Variants in CLDN10 observed in about 807,000 individuals in gnomAD.
The protein encoded by CLDN10 is claudin-10.
A neutral mutation model predicts 22.9 loss-of-function variants in CLDN10; 15 were observed. The observed-to-expected ratio is 0.65, with a 90% CI of 0.44 to 1.01. The LOEUF (loss-of-function observed/expected upper bound fraction) is 1.01, where lower values mean the gene tolerates loss of function less well. Ranked by LOEUF, CLDN10 falls within the 50% of genes least tolerant of loss-of-function variation. The probability of loss-of-function intolerance (pLI) is 0.00; values close to 1 mark genes in which losing one functional copy is unlikely to be tolerated. For synonymous variants in CLDN10, 114 were observed against 111.4 expected, an observed-to-expected ratio of 1.02 and a Z score of -0.15; for missense variants, 247 against 287.8, an observed-to-expected ratio of 0.86 and a Z score of 1.03.
At chr13:95,503,418 A>T (rs2043006214) in intron 1 of CLDN10, among the ~76,000 whole-genome samples, 1 of 152,234 alleles carries the variant, frequency 6.6e-6, no homozygotes, top group East Asian at 1.9e-4. Context: ...ATGTTATATC[A>T]AGAGCTGTCC....
chr13:95,459,094 C>T (rs2042510118), intron 1 of CLDN10, among the ~76,000 whole-genome samples: 1 of 152,188 alleles, frequency 6.6e-6, no homozygotes, highest in Admixed American at 6.5e-5. Flanking sequence ...ACATCCAGGT[C>T]ACACTGATGC....
chr13:95,470,622 T>C (rs1238917701), intron 1 of CLDN10, among the ~76,000 whole-genome samples: 1 of 152,044 alleles, frequency 6.6e-6, no homozygotes, highest in South Asian at 2.1e-4. Flanking sequence ...AGGGAAAGTC[T>C]CCATGGAACT....
rs767055475 is a variant in CLDN10 at position 95,578,573 on chromosome 13, GAACTT to G, written c.*565_*569del. The G allele has an allele frequency of 4.6e-5, 7 of 152,178 alleles. No individual in the cohort carries two copies. Among genetic ancestry groups the G allele is most frequent in the African/African-American group, 1.4e-4 (6 of 41,420 alleles). The allele number at this position is 152,178 out of a possible 1,614,324, so 9.4% of individuals were successfully genotyped here. A position where few individuals can be genotyped will look rare whatever the true frequency, so the allele number is the denominator to read the frequency against. On this transcript the variant is annotated 3_prime_UTR_variant, in exon 5 of 5. Coordinates refer to ENST00000299339, the MANE Select transcript of CLDN10 (RefSeq NM_006984.5). ...TGTTGAAGCAGCAAGTTATCTGGTA[GAACTT>G]AACTTCTACAGGATCAGAGAGGATC...
chr13:95,569,740 G>A (rs2043830926), intron 3 of CLDN10, among the ~76,000 whole-genome samples: 1 of 152,134 alleles, frequency 6.6e-6, no homozygotes, highest in Admixed American at 6.6e-5. Context: ...ATGTGCTCAG[G>A]TAGGTTACTT....
chr13:95,502,945 A>G (rs1167370907), intron 1 of CLDN10, among the ~76,000 whole-genome samples: 1 of 152,190 alleles, frequency 6.6e-6, no homozygotes, highest in Non-Finnish European at 1.5e-5. Flanking sequence ...ACACATTTGT[A>G]TGGATGAATG....
At chr13:95,546,228 G>C (rs902027586) in intron 1 of CLDN10, among the ~76,000 whole-genome samples, 1 of 152,098 alleles carries the variant, frequency 6.6e-6, no homozygotes, top group African/African-American at 2.4e-5. Context: ...GATATTGACT[G>C]TACTCTGTAC....
In CLDN10 at chr13:95,559,656, T is replaced by G. The variant is rs551632494; in HGVS notation, c.221-476T>G. Among the ~76,000 whole-genome samples the G allele has an allele frequency of 1.2e-4, 19 of 152,326 alleles. No homozygotes were observed. The South Asian group carries it at 3.7e-3, about 30-fold the overall frequency. Reference sequence around the variant, plus strand: ...CCACCCAGTTATAAATCTTATCATTTGATAATGTCAAAACCATTAAAACAC... The same window carrying G: ...CCACCCAGTTATAAATCTTATCATTGGATAATGTCAAAACCATTAAAACAC... On this transcript the variant is annotated intron_variant, in intron 1 of 4. Coordinates refer to ENST00000299339, the MANE Select transcript of CLDN10 (RefSeq NM_006984.5).
intron 1 of CLDN10, among the ~76,000 whole-genome samples, chr13:95,556,824 T>C (rs1360908600): frequency 6.6e-6 from 1 of 152,252 alleles, no homozygotes; most frequent in East Asian, 1.9e-4. Context: ...TATTAGCGAA[T>C]TGTCTCCACC....
intron 3 of CLDN10, among the ~76,000 whole-genome samples, chr13:95,569,399 CAAGGTG>C (rs2043825730): frequency 6.6e-6 from 1 of 152,066 alleles, no homozygotes; most frequent in Admixed American, 6.5e-5. Flanking sequence ...GACTGGCCAA[CAAGGTG>C]AAACCCTGAC....
At chr13:95,443,803 C>G (rs960951621) in intron 1 of CLDN10, among the ~76,000 whole-genome samples, 6 of 152,094 alleles carry the variant, frequency 3.9e-5, no homozygotes, top group Non-Finnish European at 8.8e-5. Flanking sequence ...GAAAGATGTG[C>G]TTGTGGGGGG....
At chr13:95,577,381 C>A in intron 4 of CLDN10, 43 bp downstream of exon 4, 1 of 1,211,398 alleles carries the variant, frequency 8.3e-7, no homozygotes, top group Non-Finnish European at 1.2e-6. Context: ...AAGTAGAATG[C>A]TATCATAAAT....
intron 1 of CLDN10, among the ~76,000 whole-genome samples, chr13:95,525,877 A>G (rs539670937): frequency 6.6e-6 from 1 of 152,094 alleles, no homozygotes; most frequent in African/African-American, 2.4e-5. Context: ...AACAACTTGC[A>G]TCTAGCTTTG....
At chr13:95,477,229 G>T (rs2139109855) in intron 1 of CLDN10, among the ~76,000 whole-genome samples, 1 of 152,318 alleles carries the variant, frequency 6.6e-6, no homozygotes, top group Middle Eastern at 3.4e-3. Flanking sequence ...AACGTGGCCA[G>T]AGCCCTTATT....
chr13:95,452,904 A>G (rs543186857), intron 1 of CLDN10, among the ~76,000 whole-genome samples: 1 of 152,292 alleles, frequency 6.6e-6, no homozygotes, highest in South Asian at 2.1e-4. Flanking sequence ...ACTTTCTGTT[A>G]CTTCCTCTGA....
Position 95,577,960 on chromosome 13 carries a change from A to C in CLDN10, c.633A>C (p.Glu211Asp). The change falls in exon 5 of 5, where the codon GAA (glutamate) becomes GAC (aspartate). Residue 211 changes from glutamate (E) to aspartate (D), a missense_variant. Transcript: ENST00000299339. Reference sequence around the variant, plus strand: ...CTCGGACAAAGTATCATGGTGGAGAAGATTTTAAAACAACAAACCCTTCAA... The same window carrying C: ...CTCGGACAAAGTATCATGGTGGAGACGATTTTAAAACAACAAACCCTTCAA... ...MSSRTKYHGGEDFKTTNPSKQ... is the reference protein window; with the variant it reads ...MSSRTKYHGGDDFKTTNPSKQ... 1.9e-6 allele frequency: 3 copies of C among 1,613,994 alleles called. No homozygotes were observed. The highest frequency in any genetic ancestry group is 2.5e-6 in the Non-Finnish European group (3 of 1,179,888).
intron 1 of CLDN10, among the ~76,000 whole-genome samples, chr13:95,520,600 T>C (rs2043214281): frequency 1.3e-5 from 2 of 152,188 alleles, no homozygotes; most frequent in Admixed American, 6.5e-5. Flanking sequence ...CTCAAACTCC[T>C]GACCTCCGGT....
At chr13:95,449,749 T>TC (rs2042415233) in intron 1 of CLDN10, among the ~76,000 whole-genome samples, 1 of 149,696 alleles carries the variant, frequency 6.7e-6, no homozygotes, top group African/African-American at 2.4e-5. Flanking sequence ...ATTTTTTTTT[T>TC]TTTTTTCTTT....
chr13:95,480,626 G>A (rs1012986001), intron 1 of CLDN10, among the ~76,000 whole-genome samples: 2 of 152,152 alleles, frequency 1.3e-5, no homozygotes, highest in African/African-American at 4.8e-5. Context: ...GAACCACTGG[G>A]AAACTTGTTA....
chr13:95,468,111 C>T (rs1481521486), intron 1 of CLDN10, among the ~76,000 whole-genome samples: 1 of 152,192 alleles, frequency 6.6e-6, no homozygotes, highest in Non-Finnish European at 1.5e-5. Flanking sequence ...TATCTGGGCA[C>T]ACCATGGCCC....
Sources: allele counts gnomAD v4.1 joint callset (sites outside exome capture counted in the v4.1 genomes callset), GRCh38; gene constraint gnomAD v4.1.1; transcripts MANE v1.5; gene names NCBI Gene and HGNC (gene_info 2026-07-23, HGNC 2026-07-21).